FAM186A: variants seen among roughly 807,000 people sequenced by gnomAD.
FAM186A encodes protein FAM186A.
Under a neutral mutation model 216.8 loss-of-function variants are expected in FAM186A, and 163 were observed. The observed-to-expected ratio is 0.75, with a 90% CI of 0.66 to 0.86. FAM186A has a LOEUF of 0.86. Ranked by LOEUF, FAM186A falls within the 40% of genes least tolerant of loss-of-function variation. The pLI, the probability that FAM186A is intolerant of heterozygous loss-of-function variation, is 0.00. For synonymous variants in FAM186A, 805 were observed against 1,025.3 expected, an observed-to-expected ratio of 0.79 and a Z score of 4.10; for missense variants, 2,184 against 2,746.2, an observed-to-expected ratio of 0.80 and a Z score of 4.58.
chr12:50,328,991 C>T (rs1942630684), intron 7 of FAM186A, among the ~76,000 whole-genome samples: 2 of 152,070 alleles, frequency 1.3e-5, no homozygotes, highest in African/African-American at 4.8e-5. Flanking sequence ...TGGTGGCATG[C>T]ACCTGTAGTC....
At chr12:50,329,644 C>A (rs1340108780) in intron 7 of FAM186A, among the ~76,000 whole-genome samples, 1 of 150,822 alleles carries the variant, frequency 6.6e-6, no homozygotes, top group Non-Finnish European at 1.5e-5. Flanking sequence ...ATTGCCCAGG[C>A]TGGAGTGCAG....
intron 1 of FAM186A, among the ~76,000 whole-genome samples, chr12:50,369,971 A>G (rs936054481): frequency 3.3e-5 from 5 of 151,672 alleles, no homozygotes; most frequent in African/African-American, 9.7e-5. Context: ...AAAAATACAA[A>G]AAATTAGCCG....
At chr12:50,328,844 G>A (rs1412335643) in intron 7 of FAM186A, among the ~76,000 whole-genome samples, 7 of 152,298 alleles carry the variant, frequency 4.6e-5, no homozygotes, top group East Asian at 1.9e-4. Flanking sequence ...GGCCGGGCAC[G>A]GTGGCTCACG....
rs1251811819 is a variant in FAM186A, at chr12:50,378,573, T to TATATATATATAC, written c.193-15210_193-15209insGTATATATATAT. On this transcript the variant is annotated intron_variant, in intron 1 of 7. Transcript: ENST00000327337. Reference sequence around the variant, plus strand: ...TATGTAAATTGTATATATATATATATACACATATGTAAATTGTATATATAT... The same window carrying TATATATATATAC: ...TATGTAAATTGTATATATATATATATATATATATATACACACATATGTAAATTGTATATATAT... 1.1e-3 allele frequency among the ~76,000 whole-genome samples: 13 copies of TATATATATATAC among 12,074 alleles called. No homozygotes were observed. The South Asian group carries it at 0.065, about 60-fold the overall frequency. 7.9% of individuals were successfully genotyped at this position (12,074 alleles called of 152,430 possible). A position where few individuals can be genotyped will look rare whatever the true frequency, so the allele number is the denominator to read the frequency against.
chr12:50,393,987 C>T (rs1943388239), intron 1 of FAM186A, among the ~76,000 whole-genome samples: 1 of 152,190 alleles, frequency 6.6e-6, no homozygotes, highest in East Asian at 1.9e-4. Context: ...GGCACCATCT[C>T]GGCTCACTGC....
intron 4 of FAM186A, among the ~76,000 whole-genome samples, chr12:50,339,834 T>C (rs1942745479): frequency 6.6e-6 from 1 of 151,742 alleles, no homozygotes; most frequent in African/African-American, 2.4e-5. Flanking sequence ...ACTTCTTTGT[T>C]TTCCTGACTT....
intron 5 of FAM186A, among the ~76,000 whole-genome samples, chr12:50,333,476 G>A (rs1190867556): frequency 1.3e-5 from 2 of 151,778 alleles, no homozygotes; most frequent in African/African-American, 2.4e-5. Context: ...AGTTTGCACC[G>A]AGTCGAAATA....
At position 50,355,031 on chromosome 12, in the gene FAM186A, G is replaced by C. The variant is rs1054667500; in HGVS notation, c.1801C>G (p.Gln601Glu). The C allele has an allele frequency of 1.3e-6, 2 of 1,551,416 alleles. No homozygotes were observed. The highest frequency in any genetic ancestry group is 2.7e-5 in the African/African-American group (2 of 72,972). ...MIQFDDTAEP[Q>E]KGKIKGKKHH... Reference sequence around the variant, plus strand: ...TTCTTTCCTTTTATTTTTCCTTTCTGTGGCTCAGCAGTATCATCAAATTGG... The same window carrying C: ...TTCTTTCCTTTTATTTTTCCTTTCTCTGGCTCAGCAGTATCATCAAATTGG... The change falls in exon 4 of 8, where the codon CAG becomes GAG. Residue 601 changes from glutamine to glutamate, a missense_variant. By Grantham distance (29) the Gln-to-Glu change is conservative (BLOSUM62 2). This residue lies in a region of FAM186A where 1,132 missense variants were observed against 1,263.4 expected (regional missense o/e 0.90). Coordinates refer to ENST00000327337, the MANE Select transcript of FAM186A (RefSeq NM_001145475.3).
chr12:50,350,964 C>T lies in FAM186A; in HGVS notation c.5868G>A (p.Leu1956=). Reference sequence around the variant, plus strand: ...TAGATTTCAGAGAAGAAATAATTGCCAATCTTTTCTTAGCAACAGAAGGGG... The same window carrying T: ...TAGATTTCAGAGAAGAAATAATTGCTAATCTTTTCTTAGCAACAGAAGGGG... The part of the protein sequence containing the change: ...SWSPSVAKKR[L]AIISSLKSKS... Residue 1956 remains leucine (L), a synonymous_variant, in exon 4 of 8, where the codon TTG becomes TTA. Coordinates refer to ENST00000327337, the MANE Select transcript of FAM186A (RefSeq NM_001145475.3). The T allele has an allele frequency of 1.9e-6, 3 of 1,551,384 alleles. No individual in the cohort carries two copies. Among genetic ancestry groups the T allele is most frequent in the Non-Finnish European group, 2.6e-6 (3 of 1,146,916 alleles).
At chr12:50,340,769 A>G (rs1013225433) in intron 4 of FAM186A, among the ~76,000 whole-genome samples, 1 of 150,560 alleles carries the variant, frequency 6.6e-6, no homozygotes, top group African/African-American at 2.4e-5. Context: ...ATATATGGAA[A>G]CAAATGTCTA....
chr12:50,329,710 G>A (rs1246933871), intron 7 of FAM186A, among the ~76,000 whole-genome samples: 1 of 151,496 alleles, frequency 6.6e-6, no homozygotes, highest in Non-Finnish European at 1.5e-5. Context: ...CAATTCTCCT[G>A]TCTCAGCCTC....
At chr12:50,345,997 C>CA (rs35925338) in intron 4 of FAM186A, among the ~76,000 whole-genome samples, 1,882 of 120,782 alleles carry the variant, frequency 0.016, 68 homozygotes, top group African/African-American at 0.054. Context: ...GACTTTGCCT[C>CA]AAAAAAAAAA....
chr12:50,365,734 A>C (rs1943081142), intron 1 of FAM186A: 1 of 753,446 alleles, frequency 1.3e-6, no homozygotes, highest in Admixed American at 1.7e-5. Context: ...ATTCGCAGGA[A>C]GATTATGTCT....
Position 50,355,272 on chromosome 12 carries a change from T to C in FAM186A, c.1560A>G (p.Ala520=). The change falls in exon 4 of 8, where the codon GCA becomes GCG. Residue 520 remains alanine, a synonymous_variant. Transcript: ENST00000327337. ...CAGTTAAAGAGAGATGTTTTCTTTT[T>C]GCTTCAGTGGGTGACTTTGATTTAT... The part of the protein sequence containing the change: ...SEDKSKSPTE[A]KRKHLSLTET... 6.4e-7 allele frequency: 1 copy of C among 1,551,568 alleles called. No homozygotes were observed. Among genetic ancestry groups the C allele is most frequent in the South Asian group, 1.2e-5 (1 of 83,982 alleles).
chr12:50,373,151 C>G (rs1239550613), intron 1 of FAM186A, among the ~76,000 whole-genome samples: 4 of 151,962 alleles, frequency 2.6e-5, no homozygotes, highest in Non-Finnish European at 1.5e-5. Context: ...GTAATCCCAG[C>G]AGTTTAGGAG....
chr12:50,331,480 G>C (rs1450118055), intron 6 of FAM186A, among the ~76,000 whole-genome samples, 190 bp downstream of exon 6: 1 of 152,096 alleles, frequency 6.6e-6, no homozygotes, highest in Non-Finnish European at 1.5e-5. Flanking sequence ...GACCTCAGAT[G>C]AGTCACCTGC....
rs1419050152 is a variant in FAM186A at position 50,353,603 on chromosome 12, G to A, written c.3229C>T (p.Pro1077Ser). The change falls in exon 4 of 8, where the codon CCT becomes TCT. Residue 1077 changes from proline to serine, a missense_variant. By Grantham distance (74) the Pro-to-Ser change is moderately conservative. This residue lies in a region of FAM186A where 1,132 missense variants were observed against 1,263.4 expected (regional missense o/e 0.90). Coordinates refer to ENST00000327337, the MANE Select transcript of FAM186A (RefSeq NM_001145475.3). ...QPLTKCIHLTPQQAQEVGITL... is the reference protein window; with the variant it reads ...QPLTKCIHLTSQQAQEVGITL... ...ATCCCCACTTCCTGGGCCTGCTGAG[G>A]TGTGAGATGAATGCATTTAGTGAGA... The A allele has an allele frequency of 1.3e-6, 2 of 1,529,564 alleles. No homozygotes were observed. Among genetic ancestry groups the A allele is most frequent in the South Asian group, 2.5e-5 (2 of 79,080 alleles). 94.7% of individuals were successfully genotyped at this position (1,529,564 alleles called of 1,614,324 possible).
intron 4 of FAM186A, 72 bp from the exon 5 acceptor site, chr12:50,334,175 CTTTT>C: frequency 1.0e-6 from 1 of 1,004,126 alleles, no homozygotes; most frequent in Non-Finnish European, 1.3e-6. Context: ...TCCTCAGTTT[CTTTT>C]TTTTTTTTGA....
At chr12:50,389,957 A>C (rs574484303) in intron 1 of FAM186A, among the ~76,000 whole-genome samples, 1 of 152,312 alleles carries the variant, frequency 6.6e-6, no homozygotes, top group African/African-American at 2.4e-5. Context: ...AGGTAGAGGC[A>C]CTAGTGGCTC....
Sources: allele counts gnomAD v4.1 joint callset (sites outside exome capture counted in the v4.1 genomes callset), GRCh38; gene constraint gnomAD v4.1.1; regional missense constraint gnomAD v4.1.1; transcripts MANE v1.5; gene names NCBI Gene and HGNC (gene_info 2026-07-23, HGNC 2026-07-21).